Variants in TENM3 observed in about 807,000 individuals in gnomAD.
The protein encoded by TENM3 is teneurin-3.
Under a neutral mutation model 255.1 loss-of-function variants are expected in TENM3, and 63 were observed. That is an observed-to-expected ratio of 0.25 (90% CI 0.20 to 0.30). The LOEUF (loss-of-function observed/expected upper bound fraction) is 0.30. Ranked by LOEUF, TENM3 falls within the 10% of genes least tolerant of loss-of-function variation. TENM3 has a pLI of 1.00. For synonymous variants in TENM3, 1,306 were observed against 1,322.3 expected (o/e 0.99, Z 0.27); for missense variants, 2,929 against 3,461.1 (o/e 0.85, Z 3.86).
intron 1 of TENM3, among the ~76,000 whole-genome samples, chr4:182,234,321 T>C (rs1326982832): frequency 6.6e-6 from 1 of 152,186 alleles, no homozygotes; most frequent in Non-Finnish European, 1.5e-5. Flanking sequence ...CGGTGCTACC[T>C]CCTGCCCCAC....
intron 12 of TENM3, among the ~76,000 whole-genome samples, chr4:182,709,741 CTTAGTTTTAAGCTCTCA>C (rs1758611366): frequency 6.6e-6 from 1 of 151,976 alleles, no homozygotes; most frequent in African/African-American, 2.4e-5. Flanking sequence ...TTCTTTTGCT[CTTAGTTTTAAGCTCTCA>C]GGCTCACAGT....
chr4:181,604,860 C>T, the TENM3 span, among the ~76,000 whole-genome samples: 9 of 152,148 alleles, frequency 5.9e-5, no homozygotes, highest in African/African-American at 1.9e-4. Context: ...CTGTCTGAGA[C>T]GTTGGGGAAT....
chr4:182,597,277 C>T (rs1049563482), intron 3 of TENM3, among the ~76,000 whole-genome samples: 6 of 152,046 alleles, frequency 3.9e-5, no homozygotes, highest in South Asian at 2.1e-4. Context: ...GGCGTGGTGG[C>T]ACATGCCTGT....
the TENM3 span, among the ~76,000 whole-genome samples, chr4:181,465,433 T>C: frequency 6.6e-6 from 1 of 152,204 alleles, no homozygotes; most frequent in Non-Finnish European, 1.5e-5. Flanking sequence ...AAAGAGTGCT[T>C]TTACTTAGAA....
Position 182,648,027 on chromosome 4 carries a change from T to C in TENM3, c.989-5744T>C, listed in dbSNP as rs1311385088. On this transcript the variant is annotated intron_variant, in intron 5 of 27. Coordinates refer to ENST00000511685, the MANE Select transcript of TENM3 (RefSeq NM_001080477.4). The stretch of plus-strand genomic sequence containing the variant: ...TTCCTGAGATTTGCACTGAGGAAAG[T>C]CTTTCCTCACTCTTTCCTTTTCCTC... Among the ~76,000 whole-genome samples, 4 of 152,244 alleles carry C rather than the reference T, an allele frequency of 2.6e-5. 1 individual carries two copies. Among genetic ancestry groups the C allele is most frequent in the Middle Eastern group, 6.8e-3 (2 of 294 alleles).
intron 3 of TENM3, among the ~76,000 whole-genome samples, chr4:182,544,941 C>G (rs1476045725): frequency 6.6e-6 from 1 of 152,200 alleles, no homozygotes; most frequent in African/African-American, 2.4e-5. Flanking sequence ...TAGGGTAGAT[C>G]AGGAACCATC....
At chr4:181,553,795 A>G in the TENM3 span, among the ~76,000 whole-genome samples, 1 of 151,946 alleles carries the variant, frequency 6.6e-6, no homozygotes, top group Admixed American at 6.6e-5. Flanking sequence ...CATGCTGTCA[A>G]GTAATTGTGA....
At chr4:182,623,687 C>G (rs903369517) in intron 4 of TENM3, among the ~76,000 whole-genome samples, 1 of 152,088 alleles carries the variant, frequency 6.6e-6, no homozygotes, top group Non-Finnish European at 1.5e-5. Flanking sequence ...GGGTCCCTCC[C>G]TCCCTTACCC....
At chr4:182,177,199 C>G (rs988554632) in intron 1 of TENM3, among the ~76,000 whole-genome samples, 1 of 152,124 alleles carries the variant, frequency 6.6e-6, no homozygotes, top group Admixed American at 6.5e-5. Flanking sequence ...TTGTCTTGCA[C>G]GAGGTGTTAC....
In TENM3 at chr4:182,169,369, A is replaced by G. The variant is rs772405458; in HGVS notation, c.-76+24615A>G. The G allele has an allele frequency of 6.5e-6, 3 of 458,274 alleles. No individual in the cohort carries two copies. The Admixed American group carries it at 7.7e-5, about 12-fold the overall frequency. 28.4% of individuals were successfully genotyped at this position (458,274 alleles called of 1,614,324 possible). On this transcript the variant is annotated intron_variant, in intron 1 of 2. Coordinates refer to the TENM3 transcript ENST00000512480. ...TTTCAACTCTAATGGGAGAGACAGC[A>G]GGATTCTCCCAAAAATTCAAGTAAA...
chr4:182,047,961 G>A, the TENM3 span, among the ~76,000 whole-genome samples: 9 of 152,094 alleles, frequency 5.9e-5, no homozygotes, highest in East Asian at 9.7e-4. Context: ...CAGCCCAGTC[G>A]ATTCCCCGCA....
chr4:182,493,279 C>G (rs936318379), intron 3 of TENM3, among the ~76,000 whole-genome samples: 7 of 152,092 alleles, frequency 4.6e-5, no homozygotes, highest in African/African-American at 1.7e-4. Context: ...AAAAAGCATT[C>G]TGAGAGTACC....
chr4:181,998,463 C>T, the TENM3 span, among the ~76,000 whole-genome samples: 2 of 152,186 alleles, frequency 1.3e-5, no homozygotes, highest in African/African-American at 2.4e-5. Context: ...TTGTTTCCCC[C>T]GTACCCTAGC....
the TENM3 span, among the ~76,000 whole-genome samples, chr4:181,618,702 G>T: frequency 1.3e-5 from 2 of 152,200 alleles, no homozygotes; most frequent in Non-Finnish European, 2.9e-5. Context: ...GTGTAATAAA[G>T]TGGTCTTTGG....
intron 3 of TENM3, among the ~76,000 whole-genome samples, chr4:182,425,001 A>C (rs1366417208): frequency 1.3e-5 from 2 of 152,168 alleles, no homozygotes; most frequent in African/African-American, 4.8e-5. Flanking sequence ...ATTTTTTGAG[A>C]TGTCTCCTCA....
chr4:181,680,515 G>A, the TENM3 span, among the ~76,000 whole-genome samples: 4 of 152,024 alleles, frequency 2.6e-5, no homozygotes. Context: ...ACCAATTGTT[G>A]GATATTGTTC....
At chr4:181,940,311 T>A in the TENM3 span, among the ~76,000 whole-genome samples, 1 of 152,192 alleles carries the variant, frequency 6.6e-6, no homozygotes, top group Non-Finnish European at 1.5e-5. Context: ...AAAGGAATAT[T>A]TCAAACATAC....
At chr4:181,482,649 AG>A in the TENM3 span, among the ~76,000 whole-genome samples, 1 of 152,150 alleles carries the variant, frequency 6.6e-6, no homozygotes, top group Non-Finnish European at 1.5e-5. Flanking sequence ...CCTCAAAAAA[AG>A]GTTCCCTTTC....
chr4:182,598,307 T>C (rs1434069280), intron 3 of TENM3, among the ~76,000 whole-genome samples: 1 of 152,248 alleles, frequency 6.6e-6, no homozygotes, highest in African/African-American at 2.4e-5. Context: ...ATTTGTTTTA[T>C]TGGTAGGCCT....
Sources: gnomAD v4.1 joint callset for allele counts (sites outside exome capture counted in the v4.1 genomes callset) on GRCh38, gnomAD v4.1.1 for gene constraint, MANE v1.5 for transcripts, NCBI Gene and HGNC (gene_info 2026-07-23, HGNC 2026-07-21) for gene names.